The following SUGCT variants were observed in gnomAD, a reference collection of about 807,000 sequenced individuals.
The protein encoded by SUGCT is succinyl-CoA:glutarate-CoA transferase, also known as succinyl-CoA:glutarate CoA-transferase.
In SUGCT, 41 loss-of-function variants were observed where a neutral mutation model predicts 55.0. That is an observed-to-expected ratio of 0.74 (90% CI 0.58 to 0.97). The LOEUF (loss-of-function observed/expected upper bound fraction) is 0.97. Among genes scored for constraint, SUGCT ranks in the 50% least tolerant of loss-of-function variants. The probability of loss-of-function intolerance (pLI) is 0.00; values close to 1 mark genes in which losing one functional copy is unlikely to be tolerated. For missense variants in SUGCT, 568 were observed against 547.8 expected (o/e 1.04, Z -0.37); for synonymous variants, 187 against 200.4 (o/e 0.93, Z 0.56).
At chr7:40,925,602 T>A in the SUGCT span, among the ~76,000 whole-genome samples, 1 of 152,280 alleles carries the variant, frequency 6.6e-6, no homozygotes, top group East Asian at 1.9e-4. Flanking sequence ...ACAACTCTTT[T>A]GGGCTTGGTG....
chr7:40,409,637 A>G (rs1309221032), intron 9 of SUGCT, among the ~76,000 whole-genome samples: 1 of 151,782 alleles, frequency 6.6e-6, no homozygotes, highest in Non-Finnish European at 1.5e-5. Context: ...ATCTATTTTC[A>G]TAAACCCTAT....
chr7:40,262,268 C>T (rs894821173), intron 7 of SUGCT, among the ~76,000 whole-genome samples: 5 of 152,100 alleles, frequency 3.3e-5, no homozygotes, highest in Non-Finnish European at 5.9e-5. Context: ...CCTCCCTGAA[C>T]GTGCCCATCC....
intron 9 of SUGCT, among the ~76,000 whole-genome samples, chr7:40,388,892 A>G (rs916581325): frequency 2.0e-5 from 3 of 152,156 alleles, no homozygotes; most frequent in African/African-American, 4.8e-5. Flanking sequence ...AGAGTCATCC[A>G]TGGTTCATAA....
At chr7:40,987,924 G>A in the SUGCT span, among the ~76,000 whole-genome samples, 1 of 151,984 alleles carries the variant, frequency 6.6e-6, no homozygotes. Context: ...GTGGTTGATC[G>A]ATACACTGTG....
chr7:40,919,230 G>A, the SUGCT span, among the ~76,000 whole-genome samples: 1 of 152,150 alleles, frequency 6.6e-6, no homozygotes, highest in Admixed American at 6.5e-5. Context: ...GGGACTACCA[G>A]ATATCTCTAC....
At chr7:40,628,427 A>G (rs1420297813) in intron 12 of SUGCT, among the ~76,000 whole-genome samples, 1 of 152,206 alleles carries the variant, frequency 6.6e-6, no homozygotes, top group African/African-American at 2.4e-5. Context: ...CTGGTTTTGT[A>G]GCTGTGATTC....
intron 13 of SUGCT, among the ~76,000 whole-genome samples, chr7:40,815,813 T>A (rs569546995): frequency 1.3e-5 from 2 of 152,062 alleles, no homozygotes; most frequent in Non-Finnish European, 2.9e-5. Flanking sequence ...GGTGAGTGGG[T>A]GCTCTGAATG....
At chr7:40,919,747 A>G in the SUGCT span, among the ~76,000 whole-genome samples, 1 of 152,154 alleles carries the variant, frequency 6.6e-6, no homozygotes, top group African/African-American at 2.4e-5. Context: ...GATTGTTGCT[A>G]GAAGGACCTA....
At chr7:40,733,245 A>G (rs994110802) in intron 12 of SUGCT, among the ~76,000 whole-genome samples, 3 of 152,170 alleles carry the variant, frequency 2.0e-5, no homozygotes, top group African/African-American at 7.2e-5. Context: ...CCAGAATTAT[A>G]TATACATGAC....
chr7:40,886,274 A>G, the SUGCT span, among the ~76,000 whole-genome samples: 1 of 152,126 alleles, frequency 6.6e-6, no homozygotes, highest in South Asian at 2.1e-4. Flanking sequence ...CGTAGGTACT[A>G]TGTTAGATAA....
chr7:40,564,268 C>T (rs1323210291), intron 12 of SUGCT, among the ~76,000 whole-genome samples: 5 of 152,024 alleles, frequency 3.3e-5, no homozygotes, highest in East Asian at 1.9e-4. Flanking sequence ...CCCAGTTACT[C>T]GGGAGGCTGA....
chr7:40,836,305 T>A (rs1182632346), intron 13 of SUGCT, among the ~76,000 whole-genome samples: 1 of 152,232 alleles, frequency 6.6e-6, no homozygotes, highest in Non-Finnish European at 1.5e-5. Context: ...TTTTAAAACC[T>A]TTTTATTTTG....
the SUGCT span, among the ~76,000 whole-genome samples, chr7:40,917,475 G>A: frequency 1.3e-5 from 2 of 152,102 alleles, no homozygotes; most frequent in Non-Finnish European, 2.9e-5. Context: ...GATGTACGCA[G>A]CCACCCAGAT....
At chr7:40,138,304 T>G (rs145213480) in intron 1 of SUGCT, among the ~76,000 whole-genome samples, 1 of 152,346 alleles carries the variant, frequency 6.6e-6, no homozygotes, top group African/African-American at 2.4e-5. Flanking sequence ...GTTCTATCCA[T>G]GTTGCTGCAA....
At chr7:40,504,936 T>C (rs1792505400) in intron 12 of SUGCT, among the ~76,000 whole-genome samples, 2 of 152,210 alleles carry the variant, frequency 1.3e-5, no homozygotes, top group South Asian at 4.1e-4. Flanking sequence ...ATATCACTCA[T>C]TGTGTTTGAA....
intron 9 of SUGCT, among the ~76,000 whole-genome samples, chr7:40,412,155 T>C (rs1786732821): frequency 6.6e-6 from 1 of 152,218 alleles, no homozygotes; most frequent in Non-Finnish European, 1.5e-5. Flanking sequence ...TATTCAATCA[T>C]GCCTTGTGTA....
intron 1 of SUGCT, among the ~76,000 whole-genome samples, chr7:40,165,747 T>C (rs1156983717): frequency 6.6e-6 from 1 of 152,134 alleles, no homozygotes; most frequent in Non-Finnish European, 1.5e-5. Flanking sequence ...TATCTTTTCT[T>C]GTTTTCAAAC....
At chr7:40,761,200 T>A (rs1445766699) in intron 13 of SUGCT, among the ~76,000 whole-genome samples, 1 of 152,174 alleles carries the variant, frequency 6.6e-6, no homozygotes, top group Non-Finnish European at 1.5e-5. Flanking sequence ...GACTGGGAGA[T>A]CCTGAGGCTG....
At chr7:40,339,092 G>A (rs941532342) in intron 9 of SUGCT, among the ~76,000 whole-genome samples, 1 of 152,208 alleles carries the variant, frequency 6.6e-6, no homozygotes, top group African/African-American at 2.4e-5. Flanking sequence ...GTTACTGCCT[G>A]ATTGTTCCTC....
Sources: allele counts gnomAD v4.1 joint callset (sites outside exome capture counted in the v4.1 genomes callset), GRCh38; gene constraint gnomAD v4.1.1; transcripts MANE v1.5; gene names NCBI Gene and HGNC (gene_info 2026-07-23, HGNC 2026-07-21).